GPRC6A: variants seen among roughly 807,000 people sequenced by gnomAD.
The protein encoded by GPRC6A is G protein-coupled receptor family C group 6 member A.
GPRC6A carries 54 observed loss-of-function variants against 47.0 expected under a neutral mutation model. That is an observed-to-expected ratio of 1.15 (90% CI 0.92 to 1.44). The LOEUF is 1.44. Among genes scored for constraint, GPRC6A ranks in the 40% most tolerant of loss-of-function variants. GPRC6A has a pLI of 0.00. For missense variants in GPRC6A, 1,112 were observed against 1,105.5 expected (o/e 1.01, Z -0.08); for synonymous variants, 347 against 377.1 (o/e 0.92, Z 0.93).
rs554112981 is a variant in GPRC6A, at chr6:116,825,043, A to G, written c.194+3777T>C. On this transcript the variant is annotated intron_variant, in intron 1 of 5. Transcript: ENST00000310357. ...TATTTGATAAAATACAACACCTTTC[A>G]TGATAAAAACTCTCAACAAACTAGG... 7.2e-5 allele frequency among the ~76,000 whole-genome samples: 11 copies of G among 152,218 alleles called. No homozygotes were observed. In the South Asian group the frequency reaches 2.3e-3, roughly 32 times the overall value.
chr6:116,813,470 T>G (rs1485616284), intron 1 of GPRC6A, among the ~76,000 whole-genome samples: 1 of 152,166 alleles, frequency 6.6e-6, no homozygotes, highest in Non-Finnish European at 1.5e-5. Context: ...TACAATCATC[T>G]GATCTTTGAT....
chr6:116,804,538 T>C (rs1368530637), intron 3 of GPRC6A, among the ~76,000 whole-genome samples: 1 of 152,064 alleles, frequency 6.6e-6, no homozygotes, highest in Non-Finnish European at 1.5e-5. Context: ...AGCACTGACT[T>C]GATGTGGCTC....
In GPRC6A at chr6:116,806,410, G is replaced by A. The variant is rs1054931887; in HGVS notation, c.1295C>T (p.Ala432Val). Residue 432 changes from alanine (A) to valine (V), a missense_variant, in exon 3 of 6, where the codon GCT becomes GTT. Physicochemically the swap from Ala to Val is moderately conservative, Grantham distance 64. Coordinates refer to ENST00000310357, the MANE Select transcript of GPRC6A (RefSeq NM_148963.4). ...LGYAIRDLCQ[A>V]RDCQNPNAFQ... is the part of the protein sequence containing the mutation. ...GGCGTTGGGGTTCTGACAGTCACGA[G>A]CTTGACACAGATCCCGAATGGCATA... 1 of 1,613,132 alleles carries A rather than the reference G, an allele frequency of 6.2e-7. No homozygotes were observed. Among genetic ancestry groups the A allele is most frequent in the Admixed American group, 1.7e-5 (1 of 59,862 alleles).
chr6:116,802,738 G>A (rs1270498974), intron 3 of GPRC6A, among the ~76,000 whole-genome samples: 1 of 152,070 alleles, frequency 6.6e-6, no homozygotes, highest in African/African-American at 2.4e-5. Context: ...CCACGGGACA[G>A]GTCTTTACTG....
chr6:116,801,141 T>C (rs1268345255), intron 3 of GPRC6A, among the ~76,000 whole-genome samples: 1 of 152,210 alleles, frequency 6.6e-6, no homozygotes, highest in Admixed American at 6.5e-5. Context: ...CTCTCATCAA[T>C]GCAAGTACAA....
chr6:116,792,169 C>CAA lies in GPRC6A; in HGVS notation c.2752_2753dup (p.Leu918PhefsTer12), dbSNP rs764851253. On this transcript the variant is annotated frameshift_variant, in exon 6 of 6. Coordinates refer to ENST00000310357, the MANE Select transcript of GPRC6A (RefSeq NM_148963.4). LOFTEE classifies it high-confidence loss of function. ...ATATACTTGACATTCTTTTTCGAGG[C>CAA]AAAGTTTTAGATACACTTGTGGCAT... 9.9e-6 allele frequency: 16 copies of CAA among 1,612,984 alleles called. No homozygotes were observed. In the East Asian group the frequency reaches 3.6e-4, roughly 36 times the overall value.
chr6:116,813,465 T>C (rs960687304), intron 1 of GPRC6A, among the ~76,000 whole-genome samples: 1 of 151,972 alleles, frequency 6.6e-6, no homozygotes, highest in Non-Finnish European at 1.5e-5. Context: ...ACATCTACAA[T>C]CATCTGATCT....
chr6:116,820,429 C>A (rs1276086725), intron 1 of GPRC6A, among the ~76,000 whole-genome samples: 1 of 151,974 alleles, frequency 6.6e-6, no homozygotes, highest in Non-Finnish European at 1.5e-5. Flanking sequence ...AGACCAATAT[C>A]CTTGATGAAC....
chr6:116,812,792 C>G (rs919359472), intron 1 of GPRC6A, among the ~76,000 whole-genome samples: 2 of 152,116 alleles, frequency 1.3e-5, no homozygotes, highest in African/African-American at 4.8e-5. Flanking sequence ...AAACGGTATT[C>G]AATTAGGAAA....
In GPRC6A at chr6:116,792,292, A is replaced by G; in HGVS notation, c.2631T>C (p.Asn877=). The change falls in exon 6 of 6, where the codon AAT becomes AAC. Residue 877 remains asparagine, a synonymous_variant. Coordinates refer to ENST00000310357, the MANE Select transcript of GPRC6A (RefSeq NM_148963.4). ...SPASLDSMSG[N]VTMTNPSSSG... ...TAGAGCTGGGATTGGTCATTGTGAC[A>G]TTGCCGCTCATGGAGTCCAGTGAAG... 1 of 1,614,054 alleles carries G rather than the reference A, an allele frequency of 6.2e-7. No individual in the cohort carries two copies. Among genetic ancestry groups the G allele is most frequent in the Non-Finnish European group, 8.5e-7 (1 of 1,179,952 alleles).
intron 2 of GPRC6A, 105 bp downstream of exon 2, chr6:116,809,209 G>C: frequency 1.2e-6 from 1 of 841,120 alleles, no homozygotes; most frequent in Non-Finnish European, 1.9e-6. Context: ...AGAAAGAAAA[G>C]TTAAAGTAAA....
intron 1 of GPRC6A, among the ~76,000 whole-genome samples, chr6:116,819,867 A>T (rs1773392841): frequency 6.7e-6 from 1 of 150,292 alleles, no homozygotes; most frequent in Non-Finnish European, 1.5e-5. Flanking sequence ...TCAGAGCAGA[A>T]CTGAAGGAAA....
At chr6:116,794,590 T>C (rs1562477712) in intron 5 of GPRC6A, among the ~76,000 whole-genome samples, 1 of 152,138 alleles carries the variant, frequency 6.6e-6, no homozygotes, top group Non-Finnish European at 1.5e-5. Context: ...TTATGGAAAA[T>C]AAATGTTACA....
intron 1 of GPRC6A, among the ~76,000 whole-genome samples, chr6:116,818,855 C>A (rs1344819020): frequency 2.0e-5 from 3 of 151,242 alleles, no homozygotes; most frequent in Non-Finnish European, 4.4e-5. Context: ...TCACACATAA[C>A]AATATTAACT....
At position 116,822,602 on chromosome 6, in the gene GPRC6A, A is replaced by G. The variant is rs1190254630; in HGVS notation, c.194+6218T>C. ...TGGAAATCATCATTCTCAGTAAACT[A>G]TCGCAAGAACAAAAAACCAAACACC... On this transcript the variant is annotated intron_variant, in intron 1 of 5. Coordinates refer to ENST00000310357, the MANE Select transcript of GPRC6A (RefSeq NM_148963.4). Among the ~76,000 whole-genome samples the G allele has an allele frequency of 3.5e-5, 5 of 144,174 alleles. No homozygotes were observed. The East Asian group carries it at 8.2e-4, about 24-fold the overall frequency. The allele number at this position is 144,174 out of a possible 152,430, so 94.6% of individuals were successfully genotyped here. A position where few individuals can be genotyped will look rare whatever the true frequency, so the allele number is the denominator to read the frequency against.
intron 1 of GPRC6A, among the ~76,000 whole-genome samples, chr6:116,823,082 G>T (rs1472021858): frequency 1.3e-5 from 2 of 151,896 alleles, no homozygotes; most frequent in Admixed American, 6.6e-5. Context: ...TCCTCCCCCA[G>T]AAATTTTTGT....
At chr6:116,826,977 CAT>C (rs1235233063) in intron 1 of GPRC6A, among the ~76,000 whole-genome samples, 1 of 151,826 alleles carries the variant, frequency 6.6e-6, no homozygotes, top group East Asian at 1.9e-4. Context: ...TGTTCTCACT[CAT>C]ATGTGGGAGC....
chr6:116,810,179 G>A (rs1472865298), intron 1 of GPRC6A, among the ~76,000 whole-genome samples: 1 of 152,076 alleles, frequency 6.6e-6, no homozygotes, highest in Admixed American at 6.6e-5. Context: ...GCACTGAGTT[G>A]TCTGATTACA....
chr6:116,823,216 C>G (rs1269767039), intron 1 of GPRC6A, among the ~76,000 whole-genome samples: 2 of 152,148 alleles, frequency 1.3e-5, no homozygotes, highest in Admixed American at 6.6e-5. Context: ...CTTGCTCACA[C>G]ATATGAGCTA....
Sources: gnomAD v4.1 joint callset for allele counts (sites outside exome capture counted in the v4.1 genomes callset) on GRCh38, gnomAD v4.1.1 for gene constraint, MANE v1.5 for transcripts, NCBI Gene and HGNC (gene_info 2026-07-23, HGNC 2026-07-21) for gene names.